SNX25: variants seen among roughly 807,000 people sequenced by gnomAD.
The protein encoded by SNX25 is sorting nexin-25.
A neutral mutation model predicts 113.7 loss-of-function variants in SNX25; 62 were observed. That is an observed-to-expected ratio of 0.55 (90% CI 0.44 to 0.67). The LOEUF (loss-of-function observed/expected upper bound fraction) is 0.67, where lower values mean the gene tolerates loss of function less well. SNX25 is among the 30% of genes least tolerant of loss of function. The pLI, the probability that SNX25 is intolerant of heterozygous loss-of-function variation, is 0.00. For synonymous variants in SNX25, 421 were observed against 436.2 expected (o/e 0.97, Z 0.43); for missense variants, 1,014 against 1,161.0 (o/e 0.87, Z 1.84).
intron 5 of SNX25, among the ~76,000 whole-genome samples, chr4:185,270,923 G>A (rs1748836776): frequency 6.6e-6 from 1 of 152,112 alleles, no homozygotes. Context: ...CCTTTCACCG[G>A]TCCATGGGCA....
chr4:185,317,331 AC>A (rs1184466420), intron 7 of SNX25, among the ~76,000 whole-genome samples: 3 of 152,208 alleles, frequency 2.0e-5, no homozygotes, highest in Non-Finnish European at 2.9e-5. Context: ...ACAGATGCTG[AC>A]GAGGCTGTGG....
intron 9 of SNX25, among the ~76,000 whole-genome samples, chr4:185,324,911 T>C (rs192711804): frequency 1.6e-3 from 239 of 152,284 alleles, no homozygotes; most frequent in African/African-American, 5.2e-3. Context: ...TAGATGTTTT[T>C]GGGTAGTTGC....
intron 2 of SNX25, among the ~76,000 whole-genome samples, chr4:185,253,659 G>A (rs550051670): frequency 6.6e-6 from 1 of 152,110 alleles, no homozygotes; most frequent in Non-Finnish European, 1.5e-5. Context: ...AGTAGAGATG[G>A]GGTTTCACCA....
At chr4:185,366,725 C>T (rs2095389215), downstream of SNX25, 1 of 152,036 alleles carries the variant, frequency 6.6e-6, no homozygotes, top group African/African-American at 2.4e-5. Context: ...TTTTAAATGA[C>T]TGAAACAAAA....
rs571431717 is a variant in SNX25, at chr4:185,219,348, A to G, written c.429+9093A>G. On this transcript the variant is annotated intron_variant, in intron 1 of 18. Transcript: ENST00000652585. The stretch of plus-strand genomic sequence containing the variant: ...GCTGAGGCAGGCGGATCACAAGGTC[A>G]GGAGATCAAGACCATCCTGACTAAC... Among the ~76,000 whole-genome samples, 10 of 152,306 alleles carry G rather than the reference A, an allele frequency of 6.6e-5. 1 individual carries two copies. The South Asian group carries it at 2.1e-3, about 32-fold the overall frequency.
In SNX25 at chr4:185,353,478, T is replaced by A; in HGVS notation, c.2467-7T>A. Reference sequence around the variant, plus strand: ...ATCTGCTTCCTATGACTTTGCTGTATTCCCAGGAGGAGACAGAGGAGGACA... The same window carrying A: ...ATCTGCTTCCTATGACTTTGCTGTAATCCCAGGAGGAGACAGAGGAGGACA... On this transcript the variant is annotated splice_region_variant and splice_polypyrimidine_tract_variant and intron_variant, in intron 14 of 18. Transcript: ENST00000652585. 2.5e-6 allele frequency: 4 copies of A among 1,607,412 alleles called. No homozygotes were observed. Among genetic ancestry groups the A allele is most frequent in the Non-Finnish European group, 3.4e-6 (4 of 1,174,130 alleles).
chr4:185,337,720 C>T (rs896803666), intron 10 of SNX25, among the ~76,000 whole-genome samples: 2 of 152,184 alleles, frequency 1.3e-5, no homozygotes, highest in Non-Finnish European at 2.9e-5. Context: ...ACTAGCAGTG[C>T]ACAAGGGTTC....
intron 10 of SNX25, 103 bp downstream of exon 10, chr4:185,332,862 A>C: frequency 8.5e-7 from 1 of 1,183,004 alleles, no homozygotes; most frequent in Non-Finnish European, 1.2e-6. Flanking sequence ...AAATAATTTT[A>C]ACCATGAACA....
At chr4:185,206,537 T>C (rs1204407643), upstream of SNX25, among the ~76,000 whole-genome samples, 2 of 151,446 alleles carry the variant, frequency 1.3e-5, no homozygotes, top group African/African-American at 4.9e-5. Context: ...TGCATGCCTG[T>C]AATCCCAGCT....
intron 5 of SNX25, among the ~76,000 whole-genome samples, chr4:185,285,211 T>C (rs1256064331): frequency 6.6e-6 from 1 of 152,208 alleles, no homozygotes; most frequent in East Asian, 1.9e-4. Flanking sequence ...TTTTAAAAAT[T>C]AGTCTGTCAT....
In SNX25 at chr4:185,360,950, T is replaced by TATATATATATATATATAGATAGATAG. The variant is rs1048534398; in HGVS notation, c.2652-971_2652-970insTATATATATATATAGATAGATAGATA. On this transcript the variant is annotated intron_variant, in intron 16 of 18. Transcript: ENST00000652585. The stretch of plus-strand genomic sequence containing the variant: ...AAAATAATATATATATATATATATA[T>TATATATATATATATATAGATAGATAG]ATAGAATCTGTCTAATGACTAACGA... Among the ~76,000 whole-genome samples the TATATATATATATATATAGATAGATAG allele has an allele frequency of 5.6e-5, 8 of 141,756 alleles. No homozygotes were observed. The South Asian group carries it at 8.8e-4, about 16-fold the overall frequency. The allele number at this position is 141,756 out of a possible 152,430, so 93.0% of individuals were successfully genotyped here.
chr4:185,256,061 G>A (rs13136735), intron 2 of SNX25, among the ~76,000 whole-genome samples: 51,714 of 152,056 alleles, frequency 0.34, 10,635 homozygotes, highest in East Asian at 0.56. Flanking sequence ...AGAGTTTCAT[G>A]TGCCTTGTTT....
intron 1 of SNX25, among the ~76,000 whole-genome samples, chr4:185,214,364 C>T (rs1228481510): frequency 6.9e-6 from 1 of 145,740 alleles, no homozygotes; most frequent in Non-Finnish European, 1.5e-5. Context: ...GCAGATCAGC[C>T]TGGTCAACAT....
downstream of SNX25, among the ~76,000 whole-genome samples, chr4:185,368,790 G>GTTT (rs1199659402): frequency 7.3e-6 from 1 of 137,286 alleles, no homozygotes. Context: ...ATTGGAATCT[G>GTTT]TTTTGTTTTT....
chr4:185,347,871 CGTGCTACAAATATT>C (rs537661165), intron 13 of SNX25, among the ~76,000 whole-genome samples: 151 of 152,264 alleles, frequency 9.9e-4, no homozygotes, highest in African/African-American at 3.3e-3. Flanking sequence ...TCAGATCTTA[CGTGCTACAAATATT>C]GTCCCCCTTT....
At chr4:185,227,714 C>T (rs1741229274) in intron 1 of SNX25, among the ~76,000 whole-genome samples, 1 of 152,096 alleles carries the variant, frequency 6.6e-6, no homozygotes, top group African/African-American at 2.4e-5. Flanking sequence ...GGATGTGGTA[C>T]ATGTTGGCCA....
intron 6 of SNX25, among the ~76,000 whole-genome samples, chr4:185,302,380 A>AG (rs780392688): frequency 4.1e-4 from 62 of 152,224 alleles, no homozygotes; most frequent in Middle Eastern, 3.4e-3. Context: ...AGTGTCTTGT[A>AG]GGGGGGCAGT....
chr4:185,317,833 C>T (rs768511453), intron 7 of SNX25, among the ~76,000 whole-genome samples: 1 of 151,994 alleles, frequency 6.6e-6, no homozygotes, highest in Non-Finnish European at 1.5e-5. Context: ...ATACCTAATG[C>T]ATGTGGGGCT....
At chr4:185,351,986 C>G (rs6841522) in intron 14 of SNX25, among the ~76,000 whole-genome samples, 1,636 of 152,034 alleles carry the variant, frequency 0.011, 21 homozygotes, top group African/African-American at 0.038. Context: ...TTGGCCTGGA[C>G]TGGAGGGTTG....
Sources: allele counts gnomAD v4.1 joint callset (sites outside exome capture counted in the v4.1 genomes callset), GRCh38; gene constraint gnomAD v4.1.1; transcripts MANE v1.5; gene names NCBI Gene and HGNC (gene_info 2026-07-23, HGNC 2026-07-21).